TPD52: variants seen among roughly 807,000 people sequenced by gnomAD.
TPD52 encodes tumor protein D52.
A neutral mutation model predicts 31.3 loss-of-function variants in TPD52; 17 were observed. The ratio of observed to expected loss-of-function variants is 0.54; its 90% CI spans 0.37 to 0.82. TPD52 has a LOEUF of 0.82. TPD52 is among the 40% of genes least tolerant of loss of function. The probability of loss-of-function intolerance (pLI) is 0.00; values close to 1 mark genes in which losing one functional copy is unlikely to be tolerated. For synonymous variants in TPD52, 83 were observed against 89.6 expected (o/e 0.93, Z 0.42); for missense variants, 212 against 240.1 (o/e 0.88, Z 0.77).
intron 1 of TPD52, among the ~76,000 whole-genome samples, chr8:80,135,847 T>C (rs1214017150): frequency 5.7e-5 from 8 of 139,500 alleles, no homozygotes; most frequent in East Asian, 2.2e-4. Context: ...ATGGATGAAA[T>C]TGGAAATCAT....
intron 5 of TPD52, among the ~76,000 whole-genome samples, chr8:80,045,486 G>C (rs1810751376): frequency 6.6e-6 from 1 of 152,214 alleles, no homozygotes; most frequent in South Asian, 2.1e-4. Context: ...TCTTATCCTA[G>C]CATATTGTAA....
At chr8:80,171,055 C>T in intron 1 of TPD52, 2 of 535,420 alleles carry the variant, frequency 3.7e-6, no homozygotes, top group Non-Finnish European at 6.8e-6. Flanking sequence ...GTCCTCTGTT[C>T]CTGGTTCCAG....
chr8:80,045,726 T>C (rs1810781672), intron 5 of TPD52, among the ~76,000 whole-genome samples: 1 of 152,228 alleles, frequency 6.6e-6, no homozygotes, highest in Admixed American at 6.5e-5. Flanking sequence ...ATTTCCCAGT[T>C]GATGGAGCTG....
intron 1 of TPD52, among the ~76,000 whole-genome samples, chr8:80,162,221 C>T (rs1412720322): frequency 1.3e-5 from 2 of 151,936 alleles, no homozygotes; most frequent in Non-Finnish European, 2.9e-5. Context: ...ATGCAAATTA[C>T]CCCCAAAATG....
chr8:80,100,053 T>C (rs1322011168), intron 1 of TPD52, among the ~76,000 whole-genome samples: 1 of 152,230 alleles, frequency 6.6e-6, no homozygotes, highest in Non-Finnish European at 1.5e-5. Context: ...CTAAGTAGTG[T>C]TCTAAACATT....
intron 1 of TPD52, among the ~76,000 whole-genome samples, chr8:80,144,885 C>A (rs1009801749): frequency 1.6e-4 from 24 of 150,784 alleles, no homozygotes; most frequent in Non-Finnish European, 3.2e-4. Context: ...GTTATAACAA[C>A]CAAAAAAAAA....
At chr8:80,044,772 G>A (rs1174780383) in intron 5 of TPD52, among the ~76,000 whole-genome samples, 2 of 152,112 alleles carry the variant, frequency 1.3e-5, no homozygotes, top group East Asian at 1.9e-4. Context: ...TCCTAGGCTC[G>A]TAAAATGATT....
intron 1 of TPD52, among the ~76,000 whole-genome samples, chr8:80,081,899 G>T (rs1815331393): frequency 1.3e-5 from 2 of 152,158 alleles, no homozygotes. Context: ...CACCTTCTGG[G>T]TTCAAGTGAT....
intron 1 of TPD52, among the ~76,000 whole-genome samples, chr8:80,081,947 G>A (rs1815335025): frequency 2.0e-5 from 3 of 152,032 alleles, no homozygotes; most frequent in East Asian, 1.9e-4. Context: ...GGGATTACAG[G>A]CACCCACCAC....
rs1314865586 is a variant in TPD52, at chr8:80,086,671, C to T, written c.20-22078G>A. 2.6e-5 allele frequency among the ~76,000 whole-genome samples: 4 copies of T among 151,782 alleles called. No individual in the cohort carries two copies. In the South Asian group the frequency reaches 6.3e-4, roughly 24 times the overall value. On this transcript the variant is annotated intron_variant, in intron 1 of 7. Transcript: ENST00000518937. ...GGCAGATCACCTGACATCAAGAGTTCGAGACCAGCCTGGCCAATATGGTGA... is the reference window on the plus strand; with the variant it reads ...GGCAGATCACCTGACATCAAGAGTTTGAGACCAGCCTGGCCAATATGGTGA...
At chr8:80,154,788 TTAAC>T (rs1433628263) in intron 1 of TPD52, among the ~76,000 whole-genome samples, 1 of 148,520 alleles carries the variant, frequency 6.7e-6, no homozygotes, top group African/African-American at 2.5e-5. Context: ...AGCAATGAAA[TTAAC>T]TAATAAATAA....
At chr8:80,128,588 G>A (rs765605727) in intron 1 of TPD52, among the ~76,000 whole-genome samples, 3 of 151,240 alleles carry the variant, frequency 2.0e-5, no homozygotes, top group Non-Finnish European at 2.9e-5. Context: ...TTGAGCCCAC[G>A]AGGTCAGGGC....
intron 7 of TPD52, 166 bp downstream of exon 7, chr8:80,042,454 A>C: frequency 5.1e-6 from 5 of 985,492 alleles, no homozygotes; most frequent in Non-Finnish European, 6.0e-6. Context: ...AAAAGATATT[A>C]AGTACATAAC....
At chr8:80,105,568 T>C (rs577311090) in intron 1 of TPD52, among the ~76,000 whole-genome samples, 1 of 152,240 alleles carries the variant, frequency 6.6e-6, no homozygotes, top group Non-Finnish European at 1.5e-5. Flanking sequence ...TTTTGAGCCA[T>C]GAGTCTTGCT....
chr8:80,139,866 G>A (rs182032093), intron 1 of TPD52, among the ~76,000 whole-genome samples: 1 of 152,252 alleles, frequency 6.6e-6, no homozygotes, highest in African/African-American at 2.4e-5. Context: ...TTCGGGGGAT[G>A]GATGCCTGAC....
At chr8:80,164,598 G>T (rs1811587016) in intron 1 of TPD52, among the ~76,000 whole-genome samples, 1 of 152,156 alleles carries the variant, frequency 6.6e-6, no homozygotes, top group Non-Finnish European at 1.5e-5. Flanking sequence ...AGAGCCATTA[G>T]TTAGGCTGGG....
intron 2 of TPD52, among the ~76,000 whole-genome samples, chr8:80,057,446 G>C (rs763369076): frequency 2.6e-5 from 4 of 152,166 alleles, no homozygotes; most frequent in Non-Finnish European, 5.9e-5. Flanking sequence ...GGTGCCCACT[G>C]TCCAATGTGG....
chr8:80,101,146 T>A (rs535127138), intron 1 of TPD52, among the ~76,000 whole-genome samples: 1 of 152,230 alleles, frequency 6.6e-6, no homozygotes, highest in African/African-American at 2.4e-5. Context: ...AGATAACAGA[T>A]AAACATAATA....
chr8:80,096,318 A>ACACAC (rs1563622973), intron 1 of TPD52, among the ~76,000 whole-genome samples: 1 of 150,920 alleles, frequency 6.6e-6, no homozygotes, highest in African/African-American at 2.4e-5. Context: ...ACACACACAC[A>ACACAC]AACTTCTCCT....
Sources: gnomAD v4.1 joint callset for allele counts (sites outside exome capture counted in the v4.1 genomes callset) on GRCh38, gnomAD v4.1.1 for gene constraint, MANE v1.5 for transcripts, NCBI Gene and HGNC (gene_info 2026-07-23, HGNC 2026-07-21) for gene names.